APLP2: variants seen among roughly 807,000 people sequenced by gnomAD.
The protein encoded by APLP2 is amyloid beta precursor like protein 2, also known as CDEI box-binding protein.
A neutral mutation model predicts 89.9 loss-of-function variants in APLP2; 53 were observed. That is an observed-to-expected ratio of 0.59 (90% CI 0.47 to 0.74). The LOEUF is 0.74. Ranked by LOEUF, APLP2 falls within the 30% of genes least tolerant of loss-of-function variation. APLP2 has a pLI of 0.00. For synonymous variants in APLP2, 372 were observed against 348.6 expected (o/e 1.07, Z -0.75); for missense variants, 973 against 975.9 (o/e 1.00, Z 0.04).
chr11:130,104,958 C>T (rs1022184379), intron 1 of APLP2, among the ~76,000 whole-genome samples: 2 of 152,020 alleles, frequency 1.3e-5, no homozygotes, highest in East Asian at 1.9e-4. Context: ...TAATAAGCTT[C>T]GAAGCAAAAC....
intron 7 of APLP2, among the ~76,000 whole-genome samples, chr11:130,126,079 T>G (rs2135992808): frequency 6.6e-6 from 1 of 152,308 alleles, no homozygotes; most frequent in South Asian, 2.1e-4. Context: ...AGTTTTATCC[T>G]TGTTGGTTCT....
At chr11:130,085,465 AAAAAC>A (rs1434922454) in intron 1 of APLP2, among the ~76,000 whole-genome samples, 14 of 152,228 alleles carry the variant, frequency 9.2e-5, no homozygotes, top group African/African-American at 3.1e-4. Context: ...AAAAAAACCA[AAAAAC>A]AAAACAAAAC....
At chr11:130,070,307 G>T (rs1300824543) in intron 1 of APLP2, among the ~76,000 whole-genome samples, 1 of 151,274 alleles carries the variant, frequency 6.6e-6, no homozygotes. Flanking sequence ...AATGAAAGGC[G>T]TCGGGGCTGC....
intron 3 of APLP2, among the ~76,000 whole-genome samples, chr11:130,111,601 C>T (rs934837782): frequency 3.9e-5 from 6 of 152,176 alleles, no homozygotes; most frequent in South Asian, 2.1e-4. Flanking sequence ...CAGGAAGAAG[C>T]GGTGCCCCTG....
chr11:130,105,375 C>T (rs1457170810), intron 1 of APLP2, among the ~76,000 whole-genome samples: 1 of 152,086 alleles, frequency 6.6e-6, no homozygotes, highest in African/African-American at 2.4e-5. Flanking sequence ...GAGATTGCCC[C>T]ATTGCACTCC....
At chr11:130,086,150 G>A (rs1180666255) in intron 1 of APLP2, among the ~76,000 whole-genome samples, 1 of 152,242 alleles carries the variant, frequency 6.6e-6, no homozygotes, top group Non-Finnish European at 1.5e-5. Context: ...CTGTTCTCCA[G>A]TCCCACTGAC....
chr11:130,110,671 CTT>C lies in APLP2; in HGVS notation c.403+11_403+12del, dbSNP rs770041870. The C allele has an allele frequency of 6.3e-7, 1 of 1,588,042 alleles. No individual in the cohort carries two copies. The highest frequency in any genetic ancestry group is 1.4e-5 in the African/African-American group (1 of 73,218). ...CCTTTCAAGTGTCTCGGTGAGTGTT[CTT>C]GGTTACTTTTCAGGAAGTGCCAGCC... On this transcript the variant is annotated intron_variant, in intron 3 of 16. Coordinates refer to ENST00000338167, the MANE Select transcript of APLP2 (RefSeq NM_001142276.2).
intron 7 of APLP2, 118 bp from the exon 8 acceptor site, chr11:130,126,582 C>A: frequency 1.7e-6 from 2 of 1,178,702 alleles, no homozygotes; most frequent in Non-Finnish European, 2.5e-6. Flanking sequence ...CAGCACCCTG[C>A]ACTTAGAGAA....
chr11:130,107,783 C>T (rs1004603098), intron 1 of APLP2, among the ~76,000 whole-genome samples: 2 of 152,214 alleles, frequency 1.3e-5, no homozygotes, highest in African/African-American at 4.8e-5. Context: ...AAGAACAAAG[C>T]TGGAGGCATC....
intron 1 of APLP2, among the ~76,000 whole-genome samples, chr11:130,086,537 AT>A (rs1944152111): frequency 6.6e-6 from 1 of 152,004 alleles, no homozygotes; most frequent in African/African-American, 2.4e-5. Context: ...CAGTTTATCT[AT>A]TTTTTTCTTT....
intron 2 of APLP2, 108 bp from the exon 3 acceptor site, chr11:130,110,430 T>C (rs1271633988): frequency 8.3e-6 from 11 of 1,329,750 alleles, no homozygotes; most frequent in Non-Finnish European, 1.0e-5. Flanking sequence ...TTTAGATGTA[T>C]GTAGGATAAG....
At chr11:130,076,586 A>G (rs974801924) in intron 1 of APLP2, among the ~76,000 whole-genome samples, 1 of 152,116 alleles carries the variant, frequency 6.6e-6, no homozygotes, top group Non-Finnish European at 1.5e-5. Context: ...GATGGGGGTA[A>G]GATTGTGGTC....
intron 13 of APLP2, among the ~76,000 whole-genome samples, chr11:130,136,860 G>C (rs1951677677): frequency 6.6e-6 from 1 of 152,184 alleles, no homozygotes; most frequent in African/African-American, 2.4e-5. Flanking sequence ...TTATGTGCTT[G>C]TTGGGGGTCG....
chr11:130,084,547 T>A (rs1943786923), intron 1 of APLP2, among the ~76,000 whole-genome samples: 1 of 152,020 alleles, frequency 6.6e-6, no homozygotes, highest in Non-Finnish European at 1.5e-5. Flanking sequence ...GCTTCATGGG[T>A]GGAAATTAAA....
At chr11:130,089,610 T>C (rs967780770) in intron 1 of APLP2, among the ~76,000 whole-genome samples, 1 of 152,244 alleles carries the variant, frequency 6.6e-6, no homozygotes, top group Non-Finnish European at 1.5e-5. Flanking sequence ...GTTTGTTTGC[T>C]AGAGCTGCTG....
intron 1 of APLP2, among the ~76,000 whole-genome samples, chr11:130,080,345 C>T (rs1016966180): frequency 1.3e-5 from 2 of 152,010 alleles, no homozygotes. Flanking sequence ...GCTGGGATTA[C>T]AGGCGCCAGC....
chr11:130,107,753 C>T (rs992303751), intron 1 of APLP2, among the ~76,000 whole-genome samples: 19 of 152,276 alleles, frequency 1.2e-4, no homozygotes, highest in Admixed American at 5.2e-4. Flanking sequence ...GCCCGCGTTG[C>T]CAAGTCAATC....
At chr11:130,125,995 A>G (rs939097832) in intron 7 of APLP2, among the ~76,000 whole-genome samples, 5 of 152,130 alleles carry the variant, frequency 3.3e-5, no homozygotes, top group African/African-American at 9.7e-5. Context: ...GGGAAGCCCT[A>G]TTGGTCAGTG....
chr11:130,138,004 T>G (rs1387571219), intron 13 of APLP2, among the ~76,000 whole-genome samples: 1 of 152,238 alleles, frequency 6.6e-6, no homozygotes, highest in Non-Finnish European at 1.5e-5. Context: ...GTTTCTGAGA[T>G]GACGTGACTT....
Sources: gnomAD v4.1 joint callset for allele counts (sites outside exome capture counted in the v4.1 genomes callset) on GRCh38, gnomAD v4.1.1 for gene constraint, MANE v1.5 for transcripts, NCBI Gene and HGNC (gene_info 2026-07-23, HGNC 2026-07-21) for gene names.